Variants in PDE4D observed in about 807,000 individuals in gnomAD.
PDE4D encodes phosphodiesterase 4D.
Under a neutral mutation model 87.4 loss-of-function variants are expected in PDE4D, and 24 were observed. That is an observed-to-expected ratio of 0.27 (90% CI 0.20 to 0.39). The LOEUF (loss-of-function observed/expected upper bound fraction) is 0.39. Among genes scored for constraint, PDE4D ranks in the 10% least tolerant of loss-of-function variants. The probability of loss-of-function intolerance (pLI) is 1.00; values close to 1 mark genes in which losing one functional copy is unlikely to be tolerated. For missense variants in PDE4D, 714 were observed against 1,041.0 expected, an observed-to-expected ratio of 0.69 and a Z score of 4.32; for synonymous variants, 384 against 383.2, an observed-to-expected ratio of 1.00 and a Z score of -0.02.
chr5:59,845,019 C>T, intron 1 of PDE4D, among the ~76,000 whole-genome samples: 1 of 152,014 alleles, frequency 6.6e-6, no homozygotes, highest in East Asian at 1.9e-4. Flanking sequence ...GAGAGCTGCC[C>T]CAGGCTGGTG....
chr5:60,229,605 T>A (rs999161379), intron 1 of PDE4D, among the ~76,000 whole-genome samples: 1 of 152,116 alleles, frequency 6.6e-6, no homozygotes, highest in Non-Finnish European at 1.5e-5. Context: ...ATGGTATTAT[T>A]TGCCAAATGC....
At chr5:59,319,699 C>A (rs1419377946) in intron 1 of PDE4D, among the ~76,000 whole-genome samples, 1 of 152,022 alleles carries the variant, frequency 6.6e-6, no homozygotes, top group African/African-American at 2.4e-5. Flanking sequence ...ATAGTTATGT[C>A]TTTTGGATTA....
chr5:60,491,804 G>C (rs187004578), upstream of PDE4D, among the ~76,000 whole-genome samples: 64 of 151,918 alleles, frequency 4.2e-4, no homozygotes, highest in East Asian at 9.6e-3. Context: ...TCACATCCCA[G>C]CTCTGACTCT....
At chr5:59,521,718 T>A (rs1475169652) in intron 1 of PDE4D, among the ~76,000 whole-genome samples, 1 of 152,202 alleles carries the variant, frequency 6.6e-6, no homozygotes, top group Non-Finnish European at 1.5e-5. Flanking sequence ...AACACTAACT[T>A]CTTCCTCCCT....
chr5:59,223,561 A>T (rs1753025553), intron 1 of PDE4D, among the ~76,000 whole-genome samples: 1 of 152,118 alleles, frequency 6.6e-6, no homozygotes. Context: ...CCCTCTTTAT[A>T]ATACTAAATA....
At chr5:59,747,676 T>G (rs917751141) in intron 1 of PDE4D, among the ~76,000 whole-genome samples, 1 of 152,162 alleles carries the variant, frequency 6.6e-6, no homozygotes, top group Admixed American at 6.5e-5. Flanking sequence ...TAAGAGACAC[T>G]TTTCATACAC....
At chr5:59,956,849 T>G (rs1237226312) in intron 3 of PDE4D, among the ~76,000 whole-genome samples, 2 of 152,110 alleles carry the variant, frequency 1.3e-5, no homozygotes, top group Non-Finnish European at 2.9e-5. Flanking sequence ...ATTGCCTAAA[T>G]TGAAACAAAT....
chr5:59,949,283 A>G (rs2152803384), intron 3 of PDE4D, among the ~76,000 whole-genome samples: 1 of 152,128 alleles, frequency 6.6e-6, no homozygotes, highest in South Asian at 2.1e-4. Context: ...TACAAAAATA[A>G]TTAGCCGGGC....
At chr5:59,339,040 AC>A (rs895629245) in intron 1 of PDE4D, among the ~76,000 whole-genome samples, 68 of 152,312 alleles carry the variant, frequency 4.5e-4, no homozygotes, top group African/African-American at 1.6e-3. Context: ...TCTTGTCATT[AC>A]TTTTCCAAAT....
At chr5:59,402,736 C>G (rs1205044555) in intron 1 of PDE4D, among the ~76,000 whole-genome samples, 2 of 152,130 alleles carry the variant, frequency 1.3e-5, no homozygotes, top group African/African-American at 4.8e-5. Flanking sequence ...GAACAAGTTG[C>G]AGGAGTCTTT....
Position 58,971,025 on chromosome 5 carries a change from C to T in PDE4D, c.*3639G>A, listed in dbSNP as rs1385478933. The T allele has an allele frequency of 1.3e-5, 2 of 152,032 alleles. No homozygotes were observed. Among genetic ancestry groups the T allele is most frequent in the Non-Finnish European group, 2.9e-5 (2 of 68,012 alleles). The allele number at this position is 152,032 out of a possible 1,614,324, so 9.4% of individuals were successfully genotyped here. A position where few individuals can be genotyped will look rare whatever the true frequency, so the allele number is the denominator to read the frequency against. On this transcript the variant is annotated 3_prime_UTR_variant, in exon 15 of 15. Coordinates refer to ENST00000340635, the MANE Select transcript of PDE4D (RefSeq NM_001104631.2). ...CTCCCTGGCAAGAAGTACTTAAGAG[C>T]TTCTGTCTCAAAAGGGTCTCAGAAT...
Position 60,192,867 on chromosome 5 carries a change from T to C in PDE4D, c.-89-7180A>G, listed in dbSNP as rs79365357. The stretch of plus-strand genomic sequence containing the variant: ...GAAAGTATTTGAGTGAATACAAAAG[T>C]TACTCATCTCTTCTTACTTCAGAGG... On this transcript the variant is annotated intron_variant, in intron 1 of 16. Transcript: ENST00000502484. Among the ~76,000 whole-genome samples, 847 of 152,298 alleles carry C rather than the reference T, an allele frequency of 5.6e-3. 1 individual carries two copies. The highest frequency in any genetic ancestry group is 8.4e-3 in the Non-Finnish European group (572 of 68,020).
At chr5:60,022,533 T>G (rs1766175984) in intron 2 of PDE4D, 1 of 152,154 alleles carries the variant, frequency 6.6e-6, no homozygotes, top group Non-Finnish European at 1.5e-5. Flanking sequence ...CTTACCTCTT[T>G]CTATTACAGA....
At chr5:59,824,333 G>C (rs1770062813) in intron 1 of PDE4D, among the ~76,000 whole-genome samples, 1 of 152,144 alleles carries the variant, frequency 6.6e-6, no homozygotes, top group Non-Finnish European at 1.5e-5. Flanking sequence ...CACGTTTCAA[G>C]TGCTCCATCA....
chr5:59,414,800 A>G (rs1793314619), intron 1 of PDE4D, among the ~76,000 whole-genome samples: 2 of 152,322 alleles, frequency 1.3e-5, no homozygotes, highest in East Asian at 3.9e-4. Context: ...TATGTGGACT[A>G]GGACTCTGGG....
chr5:59,212,194 C>T (rs554893745), intron 2 of PDE4D, among the ~76,000 whole-genome samples: 5 of 152,222 alleles, frequency 3.3e-5, no homozygotes, highest in Admixed American at 6.5e-5. Context: ...TTAAAGTTTA[C>T]ACATGGCCAT....
chr5:59,686,636 C>T (rs1370090972), intron 1 of PDE4D, among the ~76,000 whole-genome samples: 1 of 152,084 alleles, frequency 6.6e-6, no homozygotes, highest in African/African-American at 2.4e-5. Context: ...AAAGAATAAG[C>T]AAAGAAATGT....
intron 1 of PDE4D, among the ~76,000 whole-genome samples, chr5:59,410,528 T>C (rs1383303086): frequency 6.6e-6 from 1 of 152,164 alleles, no homozygotes; most frequent in African/African-American, 2.4e-5. Flanking sequence ...ATTGCAGGCG[T>C]GAGCCCCTGA....
intron 1 of PDE4D, among the ~76,000 whole-genome samples, chr5:59,677,261 AC>A (rs1748254134): frequency 6.6e-6 from 1 of 152,190 alleles, no homozygotes; most frequent in South Asian, 2.1e-4. Flanking sequence ...TGTTTCTCTG[AC>A]ATTTTGCAGT....
Sources: allele counts gnomAD v4.1 joint callset (sites outside exome capture counted in the v4.1 genomes callset), GRCh38; gene constraint gnomAD v4.1.1; transcripts MANE v1.5; gene names NCBI Gene and HGNC (gene_info 2026-07-23, HGNC 2026-07-21).